HDAC8: variants seen among roughly 807,000 people sequenced by gnomAD.
HDAC8 encodes histone deacetylase-like 1.
A neutral mutation model predicts 32.2 loss-of-function variants in HDAC8; 1 was observed. The observed-to-expected ratio is 0.03, with a 90% confidence interval of 0.01 to 0.15. The LOEUF (loss-of-function observed/expected upper bound fraction) is 0.15. Ranked by LOEUF, HDAC8 falls within the 10% of genes least tolerant of loss-of-function variation. The pLI is 1.00. For synonymous variants in HDAC8, 108 were observed against 113.9 expected (o/e 0.95, Z 0.33); for missense variants, 117 against 300.0 (o/e 0.39, Z 4.51).
chrX:72,498,641 A>T (rs1226451944), intron 4 of HDAC8, among the ~76,000 whole-genome samples: 4 of 111,614 alleles, frequency 3.6e-5, no homozygotes, highest in African/African-American at 1.3e-4. Flanking sequence ...GAATCTCTTT[A>T]CTTGATGTTC....
intron 7 of HDAC8, among the ~76,000 whole-genome samples, chrX:72,485,010 C>T (rs1379465332): frequency 8.9e-6 from 1 of 111,790 alleles, no homozygotes; most frequent in Non-Finnish European, 1.9e-5. Context: ...CTTCCTTTCG[C>T]AAAGCAGCCT....
chrX:72,572,474 T>C, intron 1 of HDAC8, 177 bp downstream of exon 1: 1 of 434,177 alleles, frequency 2.3e-6, no homozygotes, highest in Non-Finnish European at 3.9e-6. Context: ...TGCTGCGCTC[T>C]CAGAAACGAT....
chrX:72,436,451 C>T (rs781806698), intron 9 of HDAC8, among the ~76,000 whole-genome samples: 1 of 111,306 alleles, frequency 9.0e-6, no homozygotes. Context: ...TCAGTCCAGA[C>T]AATTCTATAC....
intron 9 of HDAC8, among the ~76,000 whole-genome samples, chrX:72,410,008 C>T (rs1681617868): frequency 8.9e-6 from 1 of 112,124 alleles, no homozygotes; most frequent in African/African-American, 3.2e-5. Flanking sequence ...TTAGAAAGAA[C>T]AGAAGAAGAC....
At chrX:72,445,652 G>A (rs2047365300) in intron 9 of HDAC8, among the ~76,000 whole-genome samples, 1 of 111,864 alleles carries the variant, frequency 8.9e-6, no homozygotes, top group Non-Finnish European at 1.9e-5. Flanking sequence ...AACACCAAAA[G>A]CAATGGCAAC....
chrX:72,488,878 AT>A, intron 7 of HDAC8, 54 bp downstream of exon 7: 1 of 730,464 alleles, frequency 1.4e-6, no homozygotes. Flanking sequence ...GATGGGGGCC[AT>A]TTCATCCTAC....
intron 4 of HDAC8, among the ~76,000 whole-genome samples, chrX:72,532,249 A>ATTTTTTTTTT (rs34829256): frequency 1.5e-4 from 8 of 54,193 alleles, no homozygotes; most frequent in Non-Finnish European, 2.5e-4. Flanking sequence ...CGTGTTGGGC[A>ATTTTTTTTTT]TTTTTTTTTT....
At chrX:72,530,444 GTTTTTTTTT>G (rs1232261962) in intron 4 of HDAC8, among the ~76,000 whole-genome samples, 1 of 80,183 alleles carries the variant, frequency 1.2e-5, no homozygotes, top group African/African-American at 4.4e-5. Context: ...TATTTTATGC[GTTTTTTTTT>G]TTTTTTTTGG....
intron 9 of HDAC8, among the ~76,000 whole-genome samples, chrX:72,451,428 T>C (rs1347505058): frequency 3.6e-5 from 4 of 112,096 alleles, no homozygotes; most frequent in Non-Finnish European, 5.6e-5. Context: ...AACTCCTGGC[T>C]TCAAGTGATC....
At chrX:72,548,802 T>A (rs1012594214) in intron 4 of HDAC8, among the ~76,000 whole-genome samples, 1 of 111,472 alleles carries the variant, frequency 9.0e-6, no homozygotes, top group Non-Finnish European at 1.9e-5. Context: ...CCTGAGTAGC[T>A]AGGACTACAG....
intron 9 of HDAC8, among the ~76,000 whole-genome samples, chrX:72,417,453 C>T (rs782147658): frequency 3.9e-4 from 44 of 111,440 alleles, no homozygotes; most frequent in Non-Finnish European, 6.4e-4. Context: ...AAATCAAAAA[C>T]GCAATCCTAT....
chrX:72,555,565 C>T (rs1556090678), intron 4 of HDAC8, among the ~76,000 whole-genome samples: 1 of 112,056 alleles, frequency 8.9e-6, no homozygotes, highest in African/African-American at 3.2e-5. Flanking sequence ...AAAACAATCA[C>T]AACTTCTGGA....
intron 9 of HDAC8, among the ~76,000 whole-genome samples, chrX:72,428,733 AGG>A (rs1296227279): frequency 8.9e-6 from 1 of 111,818 alleles, no homozygotes; most frequent in Non-Finnish European, 1.9e-5. Flanking sequence ...TGAGTCTTAA[AGG>A]AAACCAGTTC....
intron 9 of HDAC8, among the ~76,000 whole-genome samples, chrX:72,400,342 T>C (rs1555966999): frequency 3.6e-5 from 4 of 112,070 alleles, no homozygotes; most frequent in Admixed American, 1.9e-4. Flanking sequence ...TCATTTATCT[T>C]TTTTCCTTCT....
At chrX:72,568,649 G>T in intron 3 of HDAC8, 105 bp downstream of exon 3, 2 of 947,599 alleles carry the variant, frequency 2.1e-6, no homozygotes, top group South Asian at 4.4e-5. Context: ...GATTAAGATT[G>T]ACAGTTAACA....
At chrX:72,539,090 T>C (rs1453215327) in intron 4 of HDAC8, among the ~76,000 whole-genome samples, 1 of 111,879 alleles carries the variant, frequency 8.9e-6, no homozygotes, top group Non-Finnish European at 1.9e-5. Flanking sequence ...GAATAAACTA[T>C]GGACTGTAAT....
rs1468488185 is a variant in HDAC8, at chrX:72,411,430, CAG to C, written c.1005+50572_1005+50573del. ...ACTTCAGACCTAGAGTTGACACCCTCAGAGGGGGAAGTTCTGACCTCTGCATC... is the reference window on the plus strand; with the variant it reads ...ACTTCAGACCTAGAGTTGACACCCTCAGGGGGAAGTTCTGACCTCTGCATC... On this transcript the variant is annotated intron_variant, in intron 9 of 10. Transcript: ENST00000373573. 2.8e-3 allele frequency among the ~76,000 whole-genome samples: 316 copies of C among 112,112 alleles called. 2 individuals carry two copies. The highest frequency in any genetic ancestry group is 9.4e-3 in the African/African-American group (290 of 30,857).
intron 4 of HDAC8, among the ~76,000 whole-genome samples, chrX:72,509,552 TA>T (rs1425104358): frequency 1.8e-5 from 2 of 111,903 alleles, no homozygotes; most frequent in African/African-American, 6.5e-5. Context: ...ATTCCGCCTT[TA>T]AAAAGAAGGA....
intron 5 of HDAC8, among the ~76,000 whole-genome samples, chrX:72,491,968 G>T (rs373787069): frequency 9.0e-6 from 1 of 111,239 alleles, no homozygotes; most frequent in Non-Finnish European, 1.9e-5. Context: ...CCCCAACAGC[G>T]ACTTTAAAAA....
Sources: gnomAD v4.1 joint callset for allele counts (sites outside exome capture counted in the v4.1 genomes callset) on GRCh38, gnomAD v4.1.1 for gene constraint, MANE v1.5 for transcripts, NCBI Gene and HGNC (gene_info 2026-07-23, HGNC 2026-07-21) for gene names.